The following RGS6 variants were observed in gnomAD, a reference collection of about 807,000 sequenced individuals.
The protein encoded by RGS6 is regulator of G protein signaling 6, also known as regulator of G-protein signaling 6.
RGS6 carries 30 observed loss-of-function variants against 78.5 expected under a neutral mutation model. The observed-to-expected ratio is 0.38, with a 90% confidence interval of 0.29 to 0.52. The LOEUF (loss-of-function observed/expected upper bound fraction) is 0.52, where lower values mean the gene tolerates loss of function less well. RGS6 is among the 20% of genes least tolerant of loss of function. The probability of loss-of-function intolerance (pLI) is 0.85; values close to 1 mark genes in which losing one functional copy is unlikely to be tolerated. For synonymous variants in RGS6, 206 were observed against 206.0 expected (o/e 1.00, Z 0.00); for missense variants, 495 against 609.7 (o/e 0.81, Z 1.98).
chr14:72,254,415 T>TAGCTTCC (rs2153855829), intron 2 of RGS6, among the ~76,000 whole-genome samples: 1 of 152,254 alleles, frequency 6.6e-6, no homozygotes, highest in South Asian at 2.1e-4. Flanking sequence ...CTCAGACCTG[T>TAGCTTCC]AGCTTCCTTT....
chr14:72,393,630 G>T (rs1394630817), intron 3 of RGS6, among the ~76,000 whole-genome samples: 1 of 152,004 alleles, frequency 6.6e-6, no homozygotes, highest in Non-Finnish European at 1.5e-5. Context: ...AGAAGAGTGA[G>T]AAACACACAT....
At chr14:71,964,997 T>A in intron 2 of RGS6, 122 bp downstream of exon 2, 1 of 574,118 alleles carries the variant, frequency 1.7e-6, no homozygotes, top group Non-Finnish European at 2.8e-6. Flanking sequence ...CATATTTTCT[T>A]CTCACATCCT....
At chr14:72,053,540 G>A (rs1368577336) in intron 2 of RGS6, among the ~76,000 whole-genome samples, 1 of 152,168 alleles carries the variant, frequency 6.6e-6, no homozygotes, top group Non-Finnish European at 1.5e-5. Flanking sequence ...AGCCTGGACT[G>A]AGCCTTGGAA....
At chr14:72,465,268 T>G (rs1018456146) in intron 6 of RGS6, among the ~76,000 whole-genome samples, 1 of 152,030 alleles carries the variant, frequency 6.6e-6, no homozygotes, top group African/African-American at 2.4e-5. Context: ...AGGCAGAGCT[T>G]TTAGGCACTG....
In RGS6 at chr14:72,250,155, G is replaced by T. The variant is rs552643104; in HGVS notation, c.85-101940G>T. On this transcript the variant is annotated intron_variant, in intron 2 of 17. Coordinates refer to ENST00000553525, the MANE Select transcript of RGS6 (RefSeq NM_001204424.2). ...ACCTAATGCTAGATGATGAGTTAGT[G>T]GGTGCAGTGCACCAGCATGACACAT... is the stretch of plus-strand genomic sequence containing the variant. 7.4e-3 allele frequency among the ~76,000 whole-genome samples: 1,114 copies of T among 151,090 alleles called. 14 individuals carry two copies. The highest frequency in any genetic ancestry group is 0.026 in the African/African-American group (1,056 of 41,086).
intron 2 of RGS6, among the ~76,000 whole-genome samples, chr14:72,219,625 T>C: frequency 6.6e-6 from 1 of 152,212 alleles, no homozygotes; most frequent in Non-Finnish European, 1.5e-5. Context: ...ATCAATACTT[T>C]GTTATATGTT....
In RGS6 at chr14:71,972,702, A is replaced by G. The variant is rs901715357; in HGVS notation, c.84+7827A>G. On this transcript the variant is annotated intron_variant, in intron 2 of 17. Coordinates refer to ENST00000553525, the MANE Select transcript of RGS6 (RefSeq NM_001204424.2). ...GTGGTAGGATTGGAGGTAGGAGGAC[A>G]GTTTAGAGATTGAACAGGAATCCAG... Among the ~76,000 whole-genome samples the G allele has an allele frequency of 3.3e-5, 5 of 152,106 alleles. 1 individual carries two copies. Among genetic ancestry groups the G allele is most frequent in the Non-Finnish European group, 7.4e-5 (5 of 68,022 alleles).
chr14:72,475,021 G>GT (rs1555423722), intron 10 of RGS6, among the ~76,000 whole-genome samples: 1 of 151,288 alleles, frequency 6.6e-6, no homozygotes, highest in Non-Finnish European at 1.5e-5. Context: ...CCTGGAGTGG[G>GT]TGGGGGTGGG....
At chr14:72,116,466 A>G (rs1263239209) in intron 2 of RGS6, among the ~76,000 whole-genome samples, 1 of 151,644 alleles carries the variant, frequency 6.6e-6, no homozygotes, top group Non-Finnish European at 1.5e-5. Context: ...GATGTTTAAC[A>G]GTGTTCCTGG....
At chr14:72,096,678 C>T (rs1567196818) in intron 2 of RGS6, among the ~76,000 whole-genome samples, 1 of 152,114 alleles carries the variant, frequency 6.6e-6, no homozygotes. Flanking sequence ...CTCCATATGG[C>T]TTAGGCTTGT....
At chr14:72,365,050 G>A (rs772561596) in intron 3 of RGS6, among the ~76,000 whole-genome samples, 1 of 152,160 alleles carries the variant, frequency 6.6e-6, no homozygotes, top group African/African-American at 2.4e-5. Context: ...TCATCCCAAA[G>A]GCGAAAAGAG....
the RGS6 span, among the ~76,000 whole-genome samples, chr14:72,592,219 C>T: frequency 4.6e-4 from 70 of 152,278 alleles, no homozygotes; most frequent in Admixed American, 1.4e-3. Flanking sequence ...GTTCTCTGGC[C>T]ACAAGGGTCC....
intron 2 of RGS6, among the ~76,000 whole-genome samples, chr14:72,341,056 TG>T (rs2152677414): frequency 6.6e-6 from 1 of 152,214 alleles, no homozygotes; most frequent in African/African-American, 2.4e-5. Flanking sequence ...ATATAGAACA[TG>T]GGTATTAGTT....
At chr14:72,063,410 T>C (rs1211221559) in intron 2 of RGS6, among the ~76,000 whole-genome samples, 1 of 152,142 alleles carries the variant, frequency 6.6e-6, no homozygotes, top group South Asian at 2.1e-4. Context: ...ATGGAGATCA[T>C]GGTGACATTG....
In RGS6 at chr14:72,206,494, G is replaced by A. The variant is rs539972218; in HGVS notation, c.85-145601G>A. On this transcript the variant is annotated intron_variant, in intron 2 of 17. Transcript: ENST00000553525. ...TGTGTGTGTGTGTCACACACACACA[G>A]CATGTTTTCATGCTGCTAATACCTG... Among the ~76,000 whole-genome samples the A allele has an allele frequency of 3.9e-5, 6 of 152,190 alleles. No individual in the cohort carries two copies. The South Asian group carries it at 1.2e-3, about 32-fold the overall frequency.
At chr14:71,902,239 A>G in the RGS6 span, among the ~76,000 whole-genome samples, 6 of 152,212 alleles carry the variant, frequency 3.9e-5, no homozygotes, top group East Asian at 1.2e-3. Flanking sequence ...TAAGCGATTC[A>G]GCTATGAGAC....
chr14:72,342,725 C>CAAA (rs58717636), intron 2 of RGS6, among the ~76,000 whole-genome samples: 46 of 71,362 alleles, frequency 6.4e-4, no homozygotes, highest in South Asian at 1.3e-3. Context: ...GGCTTTGTCT[C>CAAA]AAAAAAAAAA....
intron 13 of RGS6, among the ~76,000 whole-genome samples, chr14:72,501,065 T>C (rs2238176): frequency 0.28 from 42,965 of 151,892 alleles, 9,825 homozygotes; most frequent in African/African-American, 0.64. Context: ...ACAGTGAGAA[T>C]GCAGGACTCC....
intron 2 of RGS6, among the ~76,000 whole-genome samples, chr14:72,121,655 A>G (rs2096056173): frequency 6.6e-6 from 1 of 152,124 alleles, no homozygotes; most frequent in African/African-American, 2.4e-5. Context: ...GCCCTAGTGA[A>G]TTGTTGACTG....
Sources: gnomAD v4.1 joint callset for allele counts (sites outside exome capture counted in the v4.1 genomes callset) on GRCh38, gnomAD v4.1.1 for gene constraint, MANE v1.5 for transcripts, NCBI Gene and HGNC (gene_info 2026-07-23, HGNC 2026-07-21) for gene names.